REELD1: variants seen among roughly 807,000 people sequenced by gnomAD.
REELD1 encodes the protein reelin domain-containing protein 1.
REELD1 carries 12 observed loss-of-function variants against 6.3 expected under a neutral mutation model. That is an observed-to-expected ratio of 1.89 (90% CI 1.21 to 3.07). REELD1 has a LOEUF of 3.07. Among genes scored for constraint, REELD1 ranks in the 30% most tolerant of loss-of-function variants. The pLI is 0.00. For synonymous variants in REELD1, 57 were observed against 33.6 expected, an observed-to-expected ratio of 1.70 and a Z score of -2.42; for missense variants, 163 against 86.8, an observed-to-expected ratio of 1.88 and a Z score of -3.49.
Position 146,217,069 on chromosome 4 carries a change from G to A in REELD1, c.117G>A (p.Lys39=). 2.5e-6 allele frequency: 1 copy of A among 399,342 alleles called. No homozygotes were observed. The highest frequency in any genetic ancestry group is 4.4e-6 in the Non-Finnish European group (1 of 226,566). The allele number at this position is 399,342 out of a possible 1,614,324, so 24.7% of individuals were successfully genotyped here. A position where few individuals can be genotyped will look rare whatever the true frequency, so the allele number is the denominator to read the frequency against. Residue 39 remains lysine (K), a synonymous_variant, in exon 3 of 8, where the codon AAG becomes AAA. Coordinates refer to ENST00000623665, the MANE Select transcript of REELD1 (RefSeq NM_001354631.1). ...TGGCCTGTGATGACATGCAGCCCAA[G>A]CACATCCAAGCCCAGCCTCAGCACC... ...STVACDDMQP[K]HIQAQPQHQD...
rs2110929471 is a variant in REELD1 at position 146,231,510 on chromosome 4, A to G, written c.*997A>G. 6.6e-6 allele frequency among the ~76,000 whole-genome samples: 1 copy of G among 152,328 alleles called. No homozygotes were observed. Among genetic ancestry groups the G allele is most frequent in the African/African-American group, 2.4e-5 (1 of 41,580 alleles). On this transcript the variant is annotated 3_prime_UTR_variant, in exon 8 of 8. Coordinates refer to ENST00000623665, the MANE Select transcript of REELD1 (RefSeq NM_001354631.1). ...AGGTCAAAACAACAGATCTGAATAT[A>G]ACTCTTAAATATGCTCACCTAATAT... is the stretch of plus-strand genomic sequence containing the variant.
At chr4:146,221,299 T>G (rs1730918747) in intron 3 of REELD1, among the ~76,000 whole-genome samples, 1 of 152,204 alleles carries the variant, frequency 6.6e-6, no homozygotes, top group African/African-American at 2.4e-5. Context: ...ATGCAATATT[T>G]GTCATCTTGG....
rs1418772747 is a variant in REELD1, at chr4:146,217,954, G to A, written c.208+794G>A. Reference sequence around the variant, plus strand: ...CATTTTTTAAATTAAAATATTGGGGGATGAAAAAATCATTTCCTGTTCTTT... The same window carrying A: ...CATTTTTTAAATTAAAATATTGGGGAATGAAAAAATCATTTCCTGTTCTTT... On this transcript the variant is annotated intron_variant, in intron 3 of 7. Transcript: ENST00000623665. 5.3e-5 allele frequency among the ~76,000 whole-genome samples: 8 copies of A among 152,278 alleles called. No homozygotes were observed. In the East Asian group the frequency reaches 1.5e-3, roughly 29 times the overall value.
intron 5 of REELD1, among the ~76,000 whole-genome samples, chr4:146,227,674 C>G (rs1477537166): frequency 6.6e-6 from 1 of 152,178 alleles, no homozygotes; most frequent in Non-Finnish European, 1.5e-5. Flanking sequence ...ATGTGAAGCT[C>G]TTTCTCATGC....
rs1227311457 is a variant in REELD1, at chr4:146,230,507, C to T, written c.1575C>T (p.Val525=). ...ITPSVGSKKT[V]L ...CTTCTGTGGGTAGCAAGAAAACAGT[C>T]CTCTGAGAAGACTGTCACCCCAGAC... Residue 525 remains valine (V), a synonymous_variant, in exon 8 of 8, where the codon GTC becomes GTT. Coordinates refer to ENST00000623665, the MANE Select transcript of REELD1 (RefSeq NM_001354631.1). 2.5e-5 allele frequency: 10 copies of T among 398,566 alleles called. No individual in the cohort carries two copies. Among genetic ancestry groups the T allele is most frequent in the Non-Finnish European group, 4.4e-5 (10 of 226,134 alleles). 24.7% of individuals were successfully genotyped at this position (398,566 alleles called of 1,614,324 possible). A position where few individuals can be genotyped will look rare whatever the true frequency, so the allele number is the denominator to read the frequency against.
At position 146,229,079 on chromosome 4, in the gene REELD1, G is replaced by A. The variant is rs1173568804; in HGVS notation, c.963G>A (p.Gly321=). The A allele has an allele frequency of 1.4e-6, 1 of 702,344 alleles. No homozygotes were observed. Among genetic ancestry groups the A allele is most frequent in the Non-Finnish European group, 2.6e-6 (1 of 384,892 alleles). The allele number at this position is 702,344 out of a possible 1,614,324, so 43.5% of individuals were successfully genotyped here. A position where few individuals can be genotyped will look rare whatever the true frequency, so the allele number is the denominator to read the frequency against. The change falls in exon 7 of 8, where the codon GGG becomes GGA. Residue 321 remains glycine (G), a synonymous_variant. Transcript: ENST00000623665. ...DSLETCLSSD[G]GEQDKTKASN... is the part of the protein sequence containing the mutation. ...TGGAAACTTGCCTGTCCTCAGATGG[G>A]GGTGAACAGGTAAGAACCTGAACTG...
intron 3 of REELD1, among the ~76,000 whole-genome samples, chr4:146,218,570 A>C (rs905462085): frequency 6.6e-6 from 1 of 152,230 alleles, no homozygotes; most frequent in Admixed American, 6.5e-5. Flanking sequence ...GAGAAGTGTG[A>C]AAAAACATGG....
chr4:146,228,755 A>G (rs1262638068), intron 6 of REELD1, among the ~76,000 whole-genome samples: 8 of 152,182 alleles, frequency 5.3e-5, no homozygotes, highest in Non-Finnish European at 1.2e-4. Context: ...GTAAAACTTT[A>G]AAAGTGACTT....
At chr4:146,228,893 G>C (rs1451674579) in intron 6 of REELD1, 132 bp from the exon 7 acceptor site, 1 of 647,382 alleles carries the variant, frequency 1.5e-6, no homozygotes, top group African/African-American at 1.8e-5. Flanking sequence ...CTTCTCTATG[G>C]TTCCTGACTC....
intron 7 of REELD1, 29 bp downstream of exon 7, chr4:146,229,117 G>C: frequency 1.4e-6 from 1 of 700,134 alleles, no homozygotes; most frequent in Non-Finnish European, 2.6e-6. Context: ...AAGTGGGCTT[G>C]TGACTGGTAT....
At chr4:146,228,078 C>T (rs1249278205) in intron 5 of REELD1, 132 bp from the exon 6 acceptor site, 1 of 607,954 alleles carries the variant, frequency 1.6e-6, no homozygotes, top group African/African-American at 1.8e-5. Flanking sequence ...TTTTAAGTGC[C>T]TCACACTTAA....
At chr4:146,226,577 C>T (rs959288557) in intron 5 of REELD1, among the ~76,000 whole-genome samples, 1 of 152,090 alleles carries the variant, frequency 6.6e-6, no homozygotes, top group Non-Finnish European at 1.5e-5. Context: ...GGTGAACAAG[C>T]TCCCTCAGTC....
chr4:146,228,265 C>A lies in REELD1; in HGVS notation c.651C>A (p.Ala217=). The stretch of plus-strand genomic sequence containing the variant: ...AGCACACACATGTCTTTGCTGTTGC[C>A]CTTCCTGGAGCTGCAGAGGAGGACA... ...PQQHTHVFAV[A]LPGAAEEDNL... The change falls in exon 6 of 8, where the codon GCC becomes GCA. Residue 217 remains alanine (A), a synonymous_variant. Transcript: ENST00000623665. 1 of 702,552 alleles carries A rather than the reference C, an allele frequency of 1.4e-6. No individual in the cohort carries two copies. 43.5% of individuals were successfully genotyped at this position (702,552 alleles called of 1,614,324 possible).
intron 5 of REELD1, among the ~76,000 whole-genome samples, chr4:146,225,758 ATGTGGAGCC>A (rs1184536722): frequency 6.6e-6 from 1 of 152,238 alleles, no homozygotes; most frequent in Non-Finnish European, 1.5e-5. Context: ...AAGAAGTGTC[ATGTGGAGCC>A]TTGGGCCTTT....
Position 146,229,891 on chromosome 4 carries a change from CTTTG to C in REELD1, c.973-10_973-7del. 2.5e-6 allele frequency: 1 copy of C among 398,564 alleles called. No individual in the cohort carries two copies. Among genetic ancestry groups the C allele is most frequent in the Non-Finnish European group, 4.4e-6 (1 of 226,072 alleles). 24.7% of individuals were successfully genotyped at this position (398,564 alleles called of 1,614,324 possible). A position where few individuals can be genotyped will look rare whatever the true frequency, so the allele number is the denominator to read the frequency against. ...ACCAGTACCTTTGACTCTTTTTTCC[CTTTG>C]TTTTTCTAGGACAAGACGAAGGCCT... On this transcript the variant is annotated splice_polypyrimidine_tract_variant and intron_variant, in intron 7 of 7. Transcript: ENST00000623665.
At position 146,222,979 on chromosome 4, in the gene REELD1, G is replaced by A. The variant is rs112325462; in HGVS notation, c.431+400G>A. Among the ~76,000 whole-genome samples the A allele has an allele frequency of 5.9e-4, 90 of 152,264 alleles. 1 individual carries two copies. Among genetic ancestry groups the A allele is most frequent in the African/African-American group, 2.1e-3 (88 of 41,532 alleles). On this transcript the variant is annotated intron_variant, in intron 4 of 7. Transcript: ENST00000623665. ...CCTGGGCCCAGGAAAAGCTTCTTGA[G>A]GCTCTGTGCCTTGGCTTGTTTTCTA... is the stretch of plus-strand genomic sequence containing the variant.
chr4:146,215,578 C>T (rs6816198), intron 2 of REELD1, among the ~76,000 whole-genome samples: 37,343 of 150,396 alleles, frequency 0.25, 4,871 homozygotes, highest in Middle Eastern at 0.39. Flanking sequence ...GTCTATTGTT[C>T]TGATAGCTAG....
chr4:146,217,230 T>G, intron 3 of REELD1, 70 bp downstream of exon 3: 1 of 398,754 alleles, frequency 2.5e-6, no homozygotes, highest in Non-Finnish European at 4.4e-6. Flanking sequence ...CAGTTTGTGT[T>G]TGTCCCAGTC....
At chr4:146,220,293 G>T (rs562475484) in intron 3 of REELD1, among the ~76,000 whole-genome samples, 10 of 152,322 alleles carry the variant, frequency 6.6e-5, no homozygotes, top group Admixed American at 4.6e-4. Context: ...TTGTCTAGAG[G>T]TCGCATGATT....
Sources: gnomAD v4.1 joint callset for allele counts (sites outside exome capture counted in the v4.1 genomes callset) on GRCh38, gnomAD v4.1.1 for gene constraint, MANE v1.5 for transcripts, NCBI Gene and HGNC (gene_info 2026-07-23, HGNC 2026-07-21) for gene names.